WWTR1: variants seen among roughly 807,000 people sequenced by gnomAD.
WWTR1 encodes WW domain containing transcription regulator 1, also known as WW domain-containing transcription regulator protein 1.
A neutral mutation model predicts 40.1 loss-of-function variants in WWTR1; 13 were observed. That is an observed-to-expected ratio of 0.32 (90% confidence interval 0.21 to 0.52). The LOEUF (loss-of-function observed/expected upper bound fraction) is 0.52, where lower values mean the gene tolerates loss of function less well. Ranked by LOEUF, WWTR1 falls within the 20% of genes least tolerant of loss-of-function variation. The pLI is 0.97. For missense variants in WWTR1, 436 were observed against 523.1 expected (o/e 0.83, Z 1.63); for synonymous variants, 230 against 210.1 (o/e 1.09, Z -0.82).
chr3:149,536,235 G>A (rs1735824224), intron 4 of WWTR1, among the ~76,000 whole-genome samples: 1 of 152,026 alleles, frequency 6.6e-6, no homozygotes, highest in South Asian at 2.1e-4. Flanking sequence ...ATATATGAAC[G>A]AATGAACTTA....
intron 2 of WWTR1, among the ~76,000 whole-genome samples, chr3:149,641,969 A>G (rs1712197481): frequency 1.3e-5 from 2 of 152,252 alleles, no homozygotes; most frequent in African/African-American, 4.8e-5. Flanking sequence ...GATAGATAAG[A>G]TAGCTAAACT....
In WWTR1 at chr3:149,722,328, A is replaced by C. The variant is rs113332925; in HGVS notation, n.459+1752T>G. On this transcript the variant is annotated intron_variant and non_coding_transcript_variant, in intron 4 of 6. Coordinates refer to the WWTR1 transcript ENST00000474080. ...TACTTTTTCTAGTTTCTTAAGTTTT[A>C]AGTTTAGGTTGTTGATTTAAGACAT... 4.1e-3 allele frequency among the ~76,000 whole-genome samples: 620 copies of C among 150,576 alleles called. 7 individuals carry two copies. The highest frequency in any genetic ancestry group is 0.014 in the African/African-American group (586 of 40,928).
chr3:149,625,990 C>G (rs1441434374), intron 2 of WWTR1, among the ~76,000 whole-genome samples: 1 of 152,124 alleles, frequency 6.6e-6, no homozygotes, highest in South Asian at 2.1e-4. Flanking sequence ...CCCAGTTGAG[C>G]TCATGGATTA....
Position 149,550,626 on chromosome 3 carries a change from GAGA to G in WWTR1, c.569-8092_569-8090del, listed in dbSNP as rs200870466. Among the ~76,000 whole-genome samples the G allele has an allele frequency of 3.2e-3, 485 of 152,288 alleles. 13 individuals are homozygous for G. The highest frequency in any genetic ancestry group is 0.03 in the Admixed American group (464 of 15,300). On this transcript the variant is annotated intron_variant, in intron 3 of 6. Coordinates refer to ENST00000360632, the MANE Select transcript of WWTR1 (RefSeq NM_015472.6). ...AGAAGCTGTTTAGGACACGGAGCCAGAGAAGGGAAAAAAGCGGACAGGGAATGT... is the reference window on the plus strand; with the variant it reads ...AGAAGCTGTTTAGGACACGGAGCCAGAGGGAAAAAAGCGGACAGGGAATGT...
chr3:149,710,046 C>T (rs1715438171), intron 5 of WWTR1, among the ~76,000 whole-genome samples: 1 of 152,130 alleles, frequency 6.6e-6, no homozygotes, highest in Admixed American at 6.6e-5. Context: ...GGTGCATCTG[C>T]CCTATTTTTT....
At chr3:149,698,140 AGGATGGTG>A (rs1378607280) in intron 1 of WWTR1, among the ~76,000 whole-genome samples, 2 of 152,194 alleles carry the variant, frequency 1.3e-5, no homozygotes, top group Non-Finnish European at 2.9e-5. Context: ...TGGAATATGG[AGGATGGTG>A]GGTGATGTGG....
chr3:149,559,957 A>G (rs1737013825), intron 3 of WWTR1, among the ~76,000 whole-genome samples: 1 of 152,202 alleles, frequency 6.6e-6, no homozygotes, highest in Admixed American at 6.5e-5. Context: ...AAGAAACGCC[A>G]CTGGATAGCT....
chr3:149,608,389 T>A (rs1381978738), intron 2 of WWTR1, among the ~76,000 whole-genome samples: 4 of 132,546 alleles, frequency 3.0e-5, no homozygotes, highest in African/African-American at 9.4e-5. Flanking sequence ...AATATCTAAA[T>A]TTTTTTTTTT....
At chr3:149,608,924 T>C (rs1739608670) in intron 2 of WWTR1, among the ~76,000 whole-genome samples, 1 of 151,750 alleles carries the variant, frequency 6.6e-6, no homozygotes, top group Non-Finnish European at 1.5e-5. Context: ...CAAAAATTAG[T>C]GAGCTGTGGT....
At chr3:149,607,213 T>G (rs537037912) in intron 2 of WWTR1, among the ~76,000 whole-genome samples, 1 of 152,214 alleles carries the variant, frequency 6.6e-6, no homozygotes, top group Non-Finnish European at 1.5e-5. Flanking sequence ...ATGTGAAATC[T>G]TTTTTTATGA....
At chr3:149,561,382 A>G (rs72615632) in intron 3 of WWTR1, among the ~76,000 whole-genome samples, 11,135 of 152,276 alleles carry the variant, frequency 0.073, 1,067 homozygotes, top group East Asian at 0.44. Context: ...AGTAAAGGCT[A>G]TAAGTTTAAT....
At chr3:149,655,917 T>C (rs1239133751) in intron 2 of WWTR1, among the ~76,000 whole-genome samples, 1 of 152,220 alleles carries the variant, frequency 6.6e-6, no homozygotes, top group Non-Finnish European at 1.5e-5. Flanking sequence ...TAAGTCAAGT[T>C]CTTAGGAGAG....
chr3:149,631,180 C>T (rs1316877698), intron 2 of WWTR1, among the ~76,000 whole-genome samples: 12 of 152,154 alleles, frequency 7.9e-5, no homozygotes. Flanking sequence ...AATTTCTCGA[C>T]CTCCTACCAA....
chr3:149,724,499 T>TAAAAAA (rs11382942), intron 3 of WWTR1, among the ~76,000 whole-genome samples: 1 of 146,412 alleles, frequency 6.8e-6, no homozygotes. Context: ...CCAGACTCCT[T>TAAAAAA]AAAAAAAAAA....
intron 6 of WWTR1, 181 bp downstream of exon 6, chr3:149,525,832 C>A: frequency 2.5e-6 from 1 of 395,104 alleles, no homozygotes; most frequent in Non-Finnish European, 4.4e-6. Context: ...GTGACGAGAG[C>A]AATCGTATCC....
At chr3:149,564,543 G>C (rs571077906) in intron 3 of WWTR1, among the ~76,000 whole-genome samples, 1 of 148,982 alleles carries the variant, frequency 6.7e-6, no homozygotes, top group Non-Finnish European at 1.5e-5. Context: ...CCGCATTACA[G>C]AGAAAATAGA....
At chr3:149,620,784 A>G (rs1162025420) in intron 2 of WWTR1, among the ~76,000 whole-genome samples, 3 of 152,210 alleles carry the variant, frequency 2.0e-5, no homozygotes, top group Non-Finnish European at 4.4e-5. Flanking sequence ...AAAAAGTTAC[A>G]ATTGCATCTG....
At chr3:149,723,016 TA>T (rs780456630) in intron 4 of WWTR1, among the ~76,000 whole-genome samples, 17 of 151,960 alleles carry the variant, frequency 1.1e-4, no homozygotes, top group Non-Finnish European at 1.9e-4. Context: ...AGGTCTCTTT[TA>T]GGGACAATTT....
chr3:149,687,119 G>T (rs566594302), intron 1 of WWTR1, among the ~76,000 whole-genome samples: 79 of 152,256 alleles, frequency 5.2e-4, no homozygotes, highest in African/African-American at 1.9e-3. Flanking sequence ...CTCTCATTGA[G>T]TTCTACCAGC....
Sources: allele counts gnomAD v4.1 joint callset (sites outside exome capture counted in the v4.1 genomes callset), GRCh38; gene constraint gnomAD v4.1.1; transcripts MANE v1.5; gene names NCBI Gene and HGNC (gene_info 2026-07-23, HGNC 2026-07-21).